CDC42SE2: variants seen among roughly 807,000 people sequenced by gnomAD.
The protein encoded by CDC42SE2 is CDC42 small effector protein 2.
A neutral mutation model predicts 11.5 loss-of-function variants in CDC42SE2; 3 were observed. The ratio of observed to expected loss-of-function variants is 0.26; its 90% CI spans 0.12 to 0.67. The LOEUF is 0.67. Among genes scored for constraint, CDC42SE2 ranks in the 30% least tolerant of loss-of-function variants. The probability of loss-of-function intolerance (pLI) is 0.80; values close to 1 mark genes in which losing one functional copy is unlikely to be tolerated. For synonymous variants in CDC42SE2, 33 were observed against 34.8 expected (o/e 0.95, Z 0.18); for missense variants, 82 against 106.8 (o/e 0.77, Z 1.02).
intron 2 of CDC42SE2, among the ~76,000 whole-genome samples, chr5:131,335,414 G>A (rs2149745854): frequency 6.6e-6 from 1 of 152,274 alleles, no homozygotes; most frequent in East Asian, 1.9e-4. Context: ...GAATAGGTGT[G>A]GTGTGGTGCT....
At chr5:131,244,475 C>A (rs1756563715), upstream of CDC42SE2, among the ~76,000 whole-genome samples, 1 of 152,166 alleles carries the variant, frequency 6.6e-6, no homozygotes. Context: ...CTTTGGGAAG[C>A]CAAGGTAGGT....
intron 1 of CDC42SE2, among the ~76,000 whole-genome samples, chr5:131,295,018 T>C (rs1580736836): frequency 6.6e-6 from 1 of 151,988 alleles, no homozygotes; most frequent in East Asian, 1.9e-4. Flanking sequence ...TCCCAGCTAC[T>C]CGGGAGGCTG....
At chr5:131,220,849 A>G in the CDC42SE2 span, among the ~76,000 whole-genome samples, 1 of 151,508 alleles carries the variant, frequency 6.6e-6, no homozygotes, top group Non-Finnish European at 1.5e-5. Context: ...GTGTCTGCCA[A>G]ACCAAAACGT....
chr5:131,339,508 A>G (rs1055734624), intron 2 of CDC42SE2, among the ~76,000 whole-genome samples: 1 of 152,006 alleles, frequency 6.6e-6, no homozygotes, highest in Non-Finnish European at 1.5e-5. Context: ...AACTTATTAA[A>G]ATGAAAATTA....
At chr5:131,260,375 C>A (rs1756713560), upstream of CDC42SE2, among the ~76,000 whole-genome samples, 1 of 152,182 alleles carries the variant, frequency 6.6e-6, no homozygotes, top group African/African-American at 2.4e-5. Context: ...GTAATCCCAG[C>A]GCTTTGGGAG....
intron 2 of CDC42SE2, among the ~76,000 whole-genome samples, chr5:131,329,932 C>T (rs1270593091): frequency 8.1e-6 from 1 of 124,038 alleles, no homozygotes; most frequent in Non-Finnish European, 1.8e-5. Context: ...AGAAGAAGCG[C>T]TCCAGTTATC....
At chr5:131,383,733 C>T (rs1179804572) in intron 3 of CDC42SE2, among the ~76,000 whole-genome samples, 13 of 152,158 alleles carry the variant, frequency 8.5e-5, no homozygotes. Flanking sequence ...TACCATAACA[C>T]AGCTATACTC....
the CDC42SE2 span, among the ~76,000 whole-genome samples, chr5:131,236,598 T>C: frequency 1.3e-5 from 2 of 152,164 alleles, no homozygotes; most frequent in Non-Finnish European, 2.9e-5. Flanking sequence ...CAGCTAAGTT[T>C]GTATTTTTAG....
chr5:131,311,669 C>T (rs1187803847), intron 1 of CDC42SE2, among the ~76,000 whole-genome samples: 3 of 151,982 alleles, frequency 2.0e-5, no homozygotes. Flanking sequence ...TCTGAACTTC[C>T]CTTCTCACTT....
chr5:131,219,929 C>T, the CDC42SE2 span, among the ~76,000 whole-genome samples: 3 of 152,044 alleles, frequency 2.0e-5, no homozygotes, highest in Non-Finnish European at 4.4e-5. Flanking sequence ...AGAGCAAGAA[C>T]CTGTCTCAAA....
rs1290799828 is a variant in CDC42SE2, at chr5:131,393,342, C to T, written c.*2251C>T. ...TCCACTTTTTAAAATTTAATTTACCCAGTACAGCGGGGCACCAGATTACTT... is the reference window on the plus strand; with the variant it reads ...TCCACTTTTTAAAATTTAATTTACCTAGTACAGCGGGGCACCAGATTACTT... On this transcript the variant is annotated 3_prime_UTR_variant, in exon 5 of 5. Transcript: ENST00000505065. 1.3e-5 allele frequency: 2 copies of T among 152,306 alleles called. No individual in the cohort carries two copies. Among genetic ancestry groups the T allele is most frequent in the Non-Finnish European group, 2.9e-5 (2 of 68,028 alleles). The allele number at this position is 152,306 out of a possible 1,614,324, so 9.4% of individuals were successfully genotyped here.
chr5:131,216,468 C>T, the CDC42SE2 span, among the ~76,000 whole-genome samples: 1 of 139,780 alleles, frequency 7.2e-6, no homozygotes, highest in Non-Finnish European at 1.5e-5. Context: ...CACCACTGCA[C>T]TCTAGCCTGG....
At chr5:131,250,804 T>G (rs549926387) in intron 1 of CDC42SE2, among the ~76,000 whole-genome samples, 1 of 151,878 alleles carries the variant, frequency 6.6e-6, no homozygotes, top group South Asian at 2.1e-4. Context: ...CTTTGGGAGG[T>G]TGAGGTAGGA....
At position 131,371,420 on chromosome 5, in the gene CDC42SE2, T is replaced by A. The variant is rs1003130306; in HGVS notation, c.54+11873T>A. On this transcript the variant is annotated intron_variant, in intron 3 of 4. Transcript: ENST00000505065. ...CTGGTTCTTAGATATTTCTGGTATT[T>A]ATGTTCCATCTACTTTTGTCTATTG... Among the ~76,000 whole-genome samples, 9 of 152,260 alleles carry A rather than the reference T, an allele frequency of 5.9e-5. No homozygotes were observed. The South Asian group carries it at 1.0e-3, about 17-fold the overall frequency.
intron 1 of CDC42SE2, among the ~76,000 whole-genome samples, chr5:131,277,259 C>CCT (rs757966528): frequency 2.0e-5 from 3 of 152,064 alleles, no homozygotes; most frequent in Non-Finnish European, 4.4e-5. Context: ...GGTGTGTAGT[C>CCT]CTACCACTCA....
At chr5:131,226,554 G>A in the CDC42SE2 span, among the ~76,000 whole-genome samples, 2 of 152,142 alleles carry the variant, frequency 1.3e-5, no homozygotes, top group African/African-American at 4.8e-5. Flanking sequence ...TGGGGAAAGT[G>A]GAATAGCCAA....
intron 3 of CDC42SE2, among the ~76,000 whole-genome samples, chr5:131,371,623 A>G (rs1192329244): frequency 6.6e-6 from 1 of 152,262 alleles, no homozygotes; most frequent in Non-Finnish European, 1.5e-5. Flanking sequence ...GCATGTGGGC[A>G]TGCGTGCATG....
chr5:131,280,399 T>C (rs1037732332), intron 1 of CDC42SE2, among the ~76,000 whole-genome samples: 16 of 152,204 alleles, frequency 1.1e-4, no homozygotes, highest in African/African-American at 3.6e-4. Flanking sequence ...TTACATAGAC[T>C]CTGACATTTC....
intron 3 of CDC42SE2, among the ~76,000 whole-genome samples, chr5:131,362,357 A>G (rs1749733951): frequency 6.6e-6 from 1 of 152,230 alleles, no homozygotes. Context: ...TGTGGTCACC[A>G]TAATGGAGGA....
Sources: allele counts gnomAD v4.1 joint callset (sites outside exome capture counted in the v4.1 genomes callset), GRCh38; gene constraint gnomAD v4.1.1; transcripts MANE v1.5; gene names NCBI Gene and HGNC (gene_info 2026-07-23, HGNC 2026-07-21).